The following HEATR4 variants were observed in gnomAD, a reference collection of about 807,000 sequenced individuals.
The protein encoded by HEATR4 is HEAT repeat containing 4.
A neutral mutation model predicts 108.8 loss-of-function variants in HEATR4; 95 were observed. That is an observed-to-expected ratio of 0.87 (90% CI 0.74 to 1.04). The LOEUF (loss-of-function observed/expected upper bound fraction) is 1.04. HEATR4 is among the 50% of genes least tolerant of loss of function. HEATR4 has a pLI of 0.00. For missense variants in HEATR4, 1,152 were observed against 1,253.8 expected, an observed-to-expected ratio of 0.92 and a Z score of 1.23; for synonymous variants, 443 against 459.4, an observed-to-expected ratio of 0.96 and a Z score of 0.46.
At chr14:73,502,871 C>T (rs551149994) in intron 11 of HEATR4, 24 bp downstream of exon 11, 1 of 1,547,110 alleles carries the variant, frequency 6.5e-7, no homozygotes, top group South Asian at 1.1e-5. Flanking sequence ...AGAAGAGTGT[C>T]TCCTCATGTT....
At chr14:73,569,660 G>T in the HEATR4 span, 2 of 1,606,860 alleles carry the variant, frequency 1.2e-6, no homozygotes, top group Non-Finnish European at 1.7e-6. Flanking sequence ...TTGAGCCCAT[G>T]GGGCTGCTCT....
upstream of HEATR4, among the ~76,000 whole-genome samples, chr14:73,560,366 T>C (rs541842059): frequency 8.5e-5 from 13 of 152,162 alleles, no homozygotes; most frequent in African/African-American, 3.1e-4. Context: ...TTTTCTGTTA[T>C]GAAAAGTAAA....
the HEATR4 span, chr14:73,571,799 G>A: frequency 2.6e-5 from 4 of 152,078 alleles, 1 homozygote; most frequent in Non-Finnish European, 5.9e-5. Context: ...AATTCGCACA[G>A]TATGTTAAGA....
intron 17 of HEATR4, chr14:73,490,954 AT>A: frequency 7.8e-7 from 1 of 1,288,266 alleles, no homozygotes; most frequent in Non-Finnish European, 9.9e-7. Context: ...CAGCCGCTGC[AT>A]TCAGGAACCG....
chr14:73,507,496 T>C lies in HEATR4; in HGVS notation c.1881+638A>G, dbSNP rs554677564. Among the ~76,000 whole-genome samples the C allele has an allele frequency of 1.1e-3, 163 of 152,282 alleles. 1 individual carries two copies. Among genetic ancestry groups the C allele is most frequent in the Non-Finnish European group, 1.9e-3 (128 of 68,014 alleles). On this transcript the variant is annotated intron_variant, in intron 9 of 17. Transcript: ENST00000553558. ...TCGCTCAGGCTGGAGTACAGTGGTG[T>C]GATCTCAGCTCGCTGCAGCCCCAAC...
At chr14:73,483,453 G>T (rs1333525614) in intron 17 of HEATR4, among the ~76,000 whole-genome samples, 1 of 152,086 alleles carries the variant, frequency 6.6e-6, no homozygotes. Context: ...GAACTCCTGG[G>T]CTCAAGTGAT....
chr14:73,578,736 C>A, the HEATR4 span, among the ~76,000 whole-genome samples: 1 of 150,604 alleles, frequency 6.6e-6, no homozygotes, highest in African/African-American at 2.4e-5. Context: ...GGCAGATCAC[C>A]TGAGGTCAGG....
At chr14:73,565,432 C>T in the HEATR4 span, among the ~76,000 whole-genome samples, 2 of 147,362 alleles carry the variant, frequency 1.4e-5, no homozygotes, top group African/African-American at 2.5e-5. Flanking sequence ...GTCGCCCAGG[C>T]TGGAGTGCAG....
At chr14:73,595,368 A>AT in the HEATR4 span, 1 of 1,614,262 alleles carries the variant, frequency 6.2e-7, no homozygotes, top group Non-Finnish European at 8.5e-7. Flanking sequence ...CAGGATGACC[A>AT]TAACTGGAGA....
At chr14:73,598,788 A>G in the HEATR4 span, among the ~76,000 whole-genome samples, 21,631 of 152,140 alleles carry the variant, frequency 0.14, 2,183 homozygotes, top group Non-Finnish European at 0.22. Flanking sequence ...GGATCACCTG[A>G]GGTCGGGAGT....
intron 3 of HEATR4, 136 bp downstream of exon 3, chr14:73,522,136 G>T: frequency 1.1e-6 from 1 of 929,186 alleles, no homozygotes; most frequent in Non-Finnish European, 1.7e-6. Flanking sequence ...AGAGCTCTCA[G>T]AGAGCAGGCC....
chr14:73,491,086 G>T (rs1343625255), intron 17 of HEATR4: 2 of 1,599,816 alleles, frequency 1.3e-6, no homozygotes, highest in East Asian at 2.3e-5. Flanking sequence ...GCAAGCCCCA[G>T]CCACACAGCG....
chr14:73,508,385 C>A, intron 8 of HEATR4, 91 bp from the exon 9 acceptor site: 3 of 1,018,168 alleles, frequency 2.9e-6, no homozygotes, highest in Non-Finnish European at 4.5e-6. Flanking sequence ...GCTGCTACCC[C>A]ACCTGATATC....
At chr14:73,490,979 C>G (rs1885671840) in intron 17 of HEATR4, 1 of 1,321,402 alleles carries the variant, frequency 7.6e-7, no homozygotes, top group Non-Finnish European at 9.7e-7. Flanking sequence ...TAGCTTCGCC[C>G]CCGGCCGGCC....
rs111562922 is a variant in HEATR4 at position 73,502,962 on chromosome 14, C to T, written c.2038G>A (p.Val680Met). 1.2e-6 allele frequency: 2 copies of T among 1,614,140 alleles called. No individual in the cohort carries two copies. The highest frequency in any genetic ancestry group is 1.7e-6 in the Non-Finnish European group (2 of 1,180,042). Residue 680 changes from valine to methionine, a missense_variant, in exon 11 of 18, where the codon GTG (valine) becomes ATG (methionine). Val to Met is a conservative substitution (Grantham distance 21). Coordinates refer to ENST00000553558, the MANE Select transcript of HEATR4 (RefSeq NM_001220484.1). ...AGCGCCTGTGCAGCTGCTCTCCTCA[C>T]TTCCTTATTCCAGTCATTCCACATC... is the stretch of plus-strand genomic sequence containing the variant. ...QLMWNDWNKEVRRAAAQALGQ... is the reference protein window; with the variant it reads ...QLMWNDWNKEMRRAAAQALGQ...
At chr14:73,536,978 T>G in intron 1 of HEATR4, 2 of 63,856 alleles carry the variant, frequency 3.1e-5, no homozygotes, top group Non-Finnish European at 3.9e-5. Flanking sequence ...AGCTGCCTGG[T>G]TGTTGTTGTT....
intron 5 of HEATR4, 145 bp from the exon 6 acceptor site, chr14:73,514,379 T>A: frequency 1.5e-6 from 1 of 680,348 alleles, no homozygotes; most frequent in Non-Finnish European, 2.5e-6. Flanking sequence ...CATGATTATA[T>A]GGGGAACTGA....
At chr14:73,501,310 A>G (rs1886443576) in intron 11 of HEATR4, among the ~76,000 whole-genome samples, 1 of 151,908 alleles carries the variant, frequency 6.6e-6, no homozygotes, top group Admixed American at 6.6e-5. Flanking sequence ...TATTTTTAGT[A>G]GAGATGGGGT....
chr14:73,619,335 C>G, the HEATR4 span: 2 of 1,614,178 alleles, frequency 1.2e-6, no homozygotes, highest in Non-Finnish European at 1.7e-6. Context: ...CTGTACTTAT[C>G]AATGCCTGTG....
Sources: gnomAD v4.1 joint callset for allele counts (sites outside exome capture counted in the v4.1 genomes callset) on GRCh38, gnomAD v4.1.1 for gene constraint, MANE v1.5 for transcripts, NCBI Gene and HGNC (gene_info 2026-07-23, HGNC 2026-07-21) for gene names.